FCN1: variants seen among roughly 807,000 people sequenced by gnomAD.
The protein encoded by FCN1 is ficolin 1.
In FCN1, 42 loss-of-function variants were observed where a neutral mutation model predicts 35.6. That is an observed-to-expected ratio of 1.18 (90% confidence interval 0.92 to 1.53). The LOEUF is 1.53. Among genes scored for constraint, FCN1 ranks in the 40% most tolerant of loss-of-function variants. The pLI, the probability that FCN1 is intolerant of heterozygous loss-of-function variation, is 0.00. For synonymous variants in FCN1, 179 were observed against 169.8 expected, an observed-to-expected ratio of 1.05 and a Z score of -0.42; for missense variants, 439 against 428.4, an observed-to-expected ratio of 1.02 and a Z score of -0.22.
At chr9:134,915,251 C>T (rs866918253) in intron 2 of FCN1, among the ~76,000 whole-genome samples, 2 of 152,162 alleles carry the variant, frequency 1.3e-5, no homozygotes, top group African/African-American at 4.8e-5. Flanking sequence ...AGGGAGGATC[C>T]GGTTCCACCG....
In FCN1 at chr9:134,913,093, A is replaced by T. The variant is rs948891015; in HGVS notation, c.391T>A (p.Trp131Arg). Reference sequence around the variant, plus strand: ...CAGTCGGGCAGGTAGATGGTGTGCCAGCCGCTCAGGAAATACCCCCGGTCT... The same window carrying T: ...CAGTCGGGCAGGTAGATGGTGTGCCTGCCGCTCAGGAAATACCCCCGGTCT... ...LLDRGYFLSG[W>R]HTIYLPDCRP... Residue 131 changes from tryptophan to arginine, a missense_variant, in exon 6 of 9, where the codon TGG (tryptophan) becomes AGG (arginine). Coordinates refer to ENST00000371806, the MANE Select transcript of FCN1 (RefSeq NM_002003.5). 60 of 1,613,834 alleles carry T rather than the reference A, an allele frequency of 3.7e-5. No individual in the cohort carries two copies. Among genetic ancestry groups the T allele is most frequent in the Non-Finnish European group, 4.8e-5 (57 of 1,179,952 alleles).
rs1830968318 is a variant in FCN1 at position 134,907,414 on chromosome 9, A to G, written c.*2384T>C. ...GCAGTTTCTTTATAAGTAGTTTTTA[A>G]ATTGTGGAACATAACATGTACTCAA... On this transcript the variant is annotated 3_prime_UTR_variant, in exon 9 of 9. Transcript: ENST00000371806. The G allele has an allele frequency of 6.6e-6, 1 of 152,236 alleles. No homozygotes were observed. The highest frequency in any genetic ancestry group is 2.4e-5 in the African/African-American group (1 of 41,456). 9.4% of individuals were successfully genotyped at this position (152,236 alleles called of 1,614,324 possible).
chr9:134,916,733 G>A (rs1441902745), intron 1 of FCN1, among the ~76,000 whole-genome samples: 1 of 152,262 alleles, frequency 6.6e-6, no homozygotes, highest in Admixed American at 6.5e-5. Context: ...GTTGCGGCCA[G>A]GATTTGGTTA....
chr9:134,912,434 G>A (rs1588656385), intron 7 of FCN1, 52 bp downstream of exon 7: 1 of 1,576,316 alleles, frequency 6.3e-7, no homozygotes, highest in Admixed American at 1.8e-5. Context: ...AGGCCTAAGG[G>A]GCAGGAGCAC....
rs778737810 is a variant in FCN1 at position 134,911,121 on chromosome 9, GCAGA to G, written c.733+8_733+11del. ...GCCCCACTCAGGCCACCAGCCCCAA[GCAGA>G]CACTCACCCGCACTGCCCCCGACAA... is the stretch of plus-strand genomic sequence containing the variant. On this transcript the variant is annotated splice_region_variant and intron_variant, in intron 8 of 8. Coordinates refer to ENST00000371806, the MANE Select transcript of FCN1 (RefSeq NM_002003.5). The G allele has an allele frequency of 8.1e-6, 13 of 1,613,814 alleles. No individual in the cohort carries two copies. In the Admixed American group the frequency reaches 1.5e-4, roughly 19 times the overall value.
chr9:134,913,821 T>C (rs570055842), intron 4 of FCN1, among the ~76,000 whole-genome samples: 45 of 152,358 alleles, frequency 3.0e-4, no homozygotes, highest in African/African-American at 9.6e-4. Context: ...AGGCCCCTGC[T>C]GTGCAGCTTG....
rs1022461126 is a variant in FCN1, at chr9:134,906,868, C to A, written c.*2930G>T. 6.6e-6 allele frequency: 1 copy of A among 152,218 alleles called. No homozygotes were observed. The highest frequency in any genetic ancestry group is 2.1e-4 in the South Asian group (1 of 4,814). 9.4% of individuals were successfully genotyped at this position (152,218 alleles called of 1,614,324 possible). On this transcript the variant is annotated 3_prime_UTR_variant, in exon 9 of 9. Coordinates refer to ENST00000371806, the MANE Select transcript of FCN1 (RefSeq NM_002003.5). ...GGTGGATCACTTGAGGTCGGGAGTT[C>A]AAGACCAGCCTGGCCAACACGGCGA...
In FCN1 at chr9:134,909,345, A is replaced by C; in HGVS notation, c.*453T>G. 1.9e-6 allele frequency: 2 copies of C among 1,058,800 alleles called. No homozygotes were observed. The highest frequency in any genetic ancestry group is 1.3e-6 in the Non-Finnish European group (1 of 779,792). 65.6% of individuals were successfully genotyped at this position (1,058,800 alleles called of 1,614,324 possible). On this transcript the variant is annotated 3_prime_UTR_variant, in exon 9 of 9. Transcript: ENST00000371806. ...AAGTGTGAAGTGTTGTGAGTGAGGC[A>C]TGGGGGGATGGGGGAGGCTTGGGGG...
chr9:134,917,683 TA>T, intron 1 of FCN1, 85 bp downstream of exon 1: 1 of 819,868 alleles, frequency 1.2e-6, no homozygotes, highest in Non-Finnish European at 2.1e-6. Context: ...AAGATGTGCA[TA>T]AAAGGTTTTG....
In FCN1 at chr9:134,909,837, A is replaced by G. The variant is rs1387014950; in HGVS notation, c.942T>C (p.Tyr314=). The change falls in exon 9 of 9, where the codon TAT becomes TAC. Residue 314 remains tyrosine (Y), a synonymous_variant. Coordinates refer to ENST00000371806, the MANE Select transcript of FCN1 (RefSeq NM_002003.5). ...CCTTCATCTCTGACACCTTGTAGCT[A>G]TATTTGTACCCCTTCGCCGCACTCC... ...INWSAAKGYK[Y]SYKVSEMKVR... is the part of the protein sequence containing the mutation. 3.1e-6 allele frequency: 5 copies of G among 1,613,900 alleles called. No individual in the cohort carries two copies. The Admixed American group carries it at 6.7e-5, about 22-fold the overall frequency.
chr9:134,905,974 T>TCTCCTC lies in FCN1; in HGVS notation c.*3823_*3824insGAGGAG. The TCTCCTC allele has an allele frequency of 1.6e-5, 2 of 124,062 alleles. No individual in the cohort carries two copies. The highest frequency in any genetic ancestry group is 1.0e-4 in the African/African-American group (2 of 19,954). 7.7% of individuals were successfully genotyped at this position (124,062 alleles called of 1,614,324 possible). On this transcript the variant is annotated 3_prime_UTR_variant, in exon 9 of 9. Coordinates refer to ENST00000371806, the MANE Select transcript of FCN1 (RefSeq NM_002003.5). Reference sequence around the variant, plus strand: ...CCCTCTCCCTCTCCCTCTTTCTCCTTCTTCTTCTTCTTCTTTTTATTTTTA... The same window carrying TCTCCTC: ...CCCTCTCCCTCTCCCTCTTTCTCCTTCTCCTCCTTCTTCTTCTTCTTTTTATTTTTA...
At chr9:134,914,905 C>G (rs370413383) in intron 2 of FCN1, 96 bp from the exon 3 acceptor site, 12 of 916,320 alleles carry the variant, frequency 1.3e-5, no homozygotes, top group Admixed American at 4.1e-5. Context: ...GACCCTCCCC[C>G]ACTCTGCCTT....
At chr9:134,917,744 A>T (rs1831108797) in intron 1 of FCN1, 25 bp downstream of exon 1, 1 of 1,532,650 alleles carries the variant, frequency 6.5e-7, no homozygotes, top group Admixed American at 1.7e-5. Flanking sequence ...GCTTTTAGGG[A>T]CCAGAAAACC....
In FCN1 at chr9:134,915,536, G is replaced by A. The variant is rs116552370; in HGVS notation, c.218-727C>T. On this transcript the variant is annotated intron_variant, in intron 2 of 8. Coordinates refer to ENST00000371806, the MANE Select transcript of FCN1 (RefSeq NM_002003.5). ...CCCAGTGTTCCCTCAGCAGGGGATC[G>A]GGACCGCACTCTCAGGTCCAGCCTG... Among the ~76,000 whole-genome samples the A allele has an allele frequency of 9.1e-3, 1,385 of 152,278 alleles. 10 individuals carry two copies. The highest frequency in any genetic ancestry group is 0.032 in the African/African-American group (1,309 of 41,546).
chr9:134,912,297 G>A lies in FCN1; in HGVS notation c.598+189C>T, dbSNP rs775731689. 5.3e-5 allele frequency among the ~76,000 whole-genome samples: 8 copies of A among 152,212 alleles called. No homozygotes were observed. The East Asian group carries it at 5.8e-4, about 11-fold the overall frequency. On this transcript the variant is annotated intron_variant, in intron 7 of 8. Coordinates refer to ENST00000371806, the MANE Select transcript of FCN1 (RefSeq NM_002003.5). Reference sequence around the variant, plus strand: ...AGGCCTTCAGCCCAGGGCTCTAACCGTTTCCCTTCCCGATGTTGCCAGAGC... The same window carrying A: ...AGGCCTTCAGCCCAGGGCTCTAACCATTTCCCTTCCCGATGTTGCCAGAGC...
chr9:134,910,852 T>C (rs1411609524), intron 8 of FCN1, among the ~76,000 whole-genome samples: 1 of 152,158 alleles, frequency 6.6e-6, no homozygotes, highest in African/African-American at 2.4e-5. Context: ...AAGGCACCCA[T>C]GAGAAAAGGA....
Position 134,906,049 on chromosome 9 carries a change from T to C in FCN1, c.*3749A>G, listed in dbSNP as rs1245998068. ...CTCTGTTCCCCAGGCTGGAGTGCAG[T>C]GGCACGATCTCAGCTCACTGCAACC... On this transcript the variant is annotated 3_prime_UTR_variant, in exon 9 of 9. Transcript: ENST00000371806. 2 of 153,740 alleles carry C rather than the reference T, an allele frequency of 1.3e-5. No individual in the cohort carries two copies. Among genetic ancestry groups the C allele is most frequent in the Non-Finnish European group, 2.8e-5 (2 of 70,538 alleles). 9.5% of individuals were successfully genotyped at this position (153,740 alleles called of 1,614,324 possible).
chr9:134,915,236 C>T (rs1361196851), intron 2 of FCN1, among the ~76,000 whole-genome samples: 3 of 152,208 alleles, frequency 2.0e-5, no homozygotes, highest in African/African-American at 7.2e-5. Context: ...GCAGCCGCTG[C>T]TGCCAGGGAG....
At chr9:134,911,305 T>C (rs1831020367) in intron 7 of FCN1, 38 bp from the exon 8 acceptor site, 1 of 1,606,760 alleles carries the variant, frequency 6.2e-7, no homozygotes, top group African/African-American at 1.3e-5. Flanking sequence ...GCCTTTAAGA[T>C]CTTTCTGTCA....
Sources: gnomAD v4.1 joint callset for allele counts (sites outside exome capture counted in the v4.1 genomes callset) on GRCh38, gnomAD v4.1.1 for gene constraint, MANE v1.5 for transcripts, NCBI Gene and HGNC (gene_info 2026-07-23, HGNC 2026-07-21) for gene names.